The following TMEM201 variants were observed in gnomAD, a reference collection of about 807,000 sequenced individuals.
TMEM201 encodes the protein RP13-15M17.2.
In TMEM201, 26 loss-of-function variants were observed where a neutral mutation model predicts 63.4. The ratio of observed to expected loss-of-function variants is 0.41; its 90% CI spans 0.30 to 0.57. The LOEUF (loss-of-function observed/expected upper bound fraction) is 0.57, where lower values mean the gene tolerates loss of function less well. Ranked by LOEUF, TMEM201 falls within the 20% of genes least tolerant of loss-of-function variation. The pLI is 0.29. For missense variants in TMEM201, 794 were observed against 917.7 expected (o/e 0.87, Z 1.74); for synonymous variants, 417 against 421.6 (o/e 0.99, Z 0.14).
In TMEM201 at chr1:9,603,626, G is replaced by T; in HGVS notation, c.1160+1354G>T. The T allele has an allele frequency of 1.0e-6, 1 of 985,478 alleles. No individual in the cohort carries two copies. The highest frequency in any genetic ancestry group is 1.2e-6 in the Non-Finnish European group (1 of 829,978). 61.0% of individuals were successfully genotyped at this position (985,478 alleles called of 1,614,324 possible). On this transcript the variant is annotated intron_variant, in intron 6 of 10. Coordinates refer to ENST00000340381, the MANE Select transcript of TMEM201 (RefSeq NM_001130924.3). This position sits in a 1 kb window ranked among gnomAD's most constrained non-coding sequence, Gnocchi z 4.5. Reference sequence around the variant, plus strand: ...AAGAGCAGATCACAGGTGCATGAGGGTTACACCCGTCACCTGGGTCTGCCG... The same window carrying T: ...AAGAGCAGATCACAGGTGCATGAGGTTTACACCCGTCACCTGGGTCTGCCG...
chr1:9,607,415 T>C lies in TMEM201; in HGVS notation c.1161-142T>C. On this transcript the variant is annotated intron_variant, in intron 6 of 10. Transcript: ENST00000340381. This position sits in a 1 kb window ranked among gnomAD's most constrained non-coding sequence, Gnocchi z 5.4. ...GAATGTGGTCGGATTGCTTTTCTGCTTTAACTAACGCACGCCTCCTCTGGG... is the reference window on the plus strand; with the variant it reads ...GAATGTGGTCGGATTGCTTTTCTGCCTTAACTAACGCACGCCTCCTCTGGG... 2 of 650,748 alleles carry C rather than the reference T, an allele frequency of 3.1e-6. No individual in the cohort carries two copies. The highest frequency in any genetic ancestry group is 4.0e-4 in the Middle Eastern group (1 of 2,506). The allele number at this position is 650,748 out of a possible 1,614,324, so 40.3% of individuals were successfully genotyped here. A position where few individuals can be genotyped will look rare whatever the true frequency, so the allele number is the denominator to read the frequency against.
At chr1:9,589,763 C>T (rs77612465) in intron 1 of TMEM201, among the ~76,000 whole-genome samples, 2,113 of 152,372 alleles carry the variant, frequency 0.014, 27 homozygotes, top group Non-Finnish European at 0.021. Flanking sequence ...TTCAGCAGAG[C>T]CTCGCAGGTA....
chr1:9,611,603 G>A, intron 9 of TMEM201, 150 bp from the exon 10 acceptor site: 1 of 932,352 alleles, frequency 1.1e-6, no homozygotes, highest in Non-Finnish European at 1.6e-6. Flanking sequence ...CAAGGACCTG[G>A]CCCCCCACTG....
intron 1 of TMEM201, among the ~76,000 whole-genome samples, chr1:9,594,420 G>A (rs548582137): frequency 6.6e-6 from 1 of 152,264 alleles, no homozygotes; most frequent in African/African-American, 2.4e-5. Context: ...TTCCCCGCAG[G>A]GCCTGGTCCC....
At chr1:9,590,969 C>CTGGG in intron 1 of TMEM201, among the ~76,000 whole-genome samples, 1 of 152,288 alleles carries the variant, frequency 6.6e-6, no homozygotes, top group South Asian at 2.1e-4. Flanking sequence ...GGCGACTTGG[C>CTGGG]TGGGTGGGTG....
rs763171920 is a variant in TMEM201, at chr1:9,602,268, C to G, written c.1156C>G (p.Arg386Gly). The change falls in exon 6 of 11, where the codon CGA becomes GGA. Residue 386 changes from arginine to glycine, a missense_variant. Physicochemically the swap from Arg to Gly is moderately radical, Grantham distance 125. Transcript: ENST00000340381. ...KATGPRRFRP[R>G]RFFPGDSAGL... The stretch of plus-strand genomic sequence containing the variant: ...AACGGGCCCACGGAGGTTCCGGCCC[C>G]GAAGGTCAGAGAAGCAGCCATGACT... 1.1e-5 allele frequency: 17 copies of G among 1,610,948 alleles called. No individual in the cohort carries two copies. The highest frequency in any genetic ancestry group is 1.4e-5 in the Non-Finnish European group (17 of 1,179,752).
At chr1:9,589,415 C>T (rs1019507335) in intron 1 of TMEM201, among the ~76,000 whole-genome samples, 11 of 152,228 alleles carry the variant, frequency 7.2e-5, no homozygotes, top group Non-Finnish European at 1.2e-4. Context: ...TGCTGCTCGG[C>T]ATGTGACGTC....
rs1305238134 is a variant in TMEM201, at chr1:9,610,749, T to C, written c.1709T>C (p.Met570Thr). The C allele has an allele frequency of 3.2e-6, 5 of 1,549,692 alleles. No homozygotes were observed. The highest frequency in any genetic ancestry group is 4.4e-6 in the Non-Finnish European group (5 of 1,146,412). ...HSPHNGSLFTMEPPHVPRKPP... is the reference protein window; with the variant it reads ...HSPHNGSLFTTEPPHVPRKPP... ...CCTCACAACGGCAGCCTCTTCACCA[T>C]GGAGCCGCCCCATGTTCCCCGGAAG... is the stretch of plus-strand genomic sequence containing the variant. The change falls in exon 9 of 11, where the codon ATG becomes ACG. Residue 570 changes from methionine to threonine, a missense_variant. Physicochemically the swap from Met to Thr is moderately conservative, Grantham distance 81. Transcript: ENST00000340381. This position sits in a 1 kb window ranked among gnomAD's most constrained non-coding sequence, Gnocchi z 4.9.
In TMEM201 at chr1:9,604,225, G is replaced by T; in HGVS notation, c.1160+1953G>T. 1 of 985,434 alleles carries T rather than the reference G, an allele frequency of 1.0e-6. No homozygotes were observed. Among genetic ancestry groups the T allele is most frequent in the Non-Finnish European group, 1.2e-6 (1 of 829,932 alleles). The allele number at this position is 985,434 out of a possible 1,614,324, so 61.0% of individuals were successfully genotyped here. ...TTGGGTAGAAGCAGGACATCTGTGT[G>T]TATGTGCGTATTTAAATTAGATTAT... On this transcript the variant is annotated intron_variant, in intron 6 of 10. Coordinates refer to ENST00000340381, the MANE Select transcript of TMEM201 (RefSeq NM_001130924.3). This position sits in a 1 kb window ranked among gnomAD's most constrained non-coding sequence, Gnocchi z 4.1.
rs1189858987 is a variant in TMEM201 at position 9,610,310 on chromosome 1, C to T, written c.1466-196C>T. Among the ~76,000 whole-genome samples the T allele has an allele frequency of 6.6e-6, 1 of 152,204 alleles. No homozygotes were observed. The highest frequency in any genetic ancestry group is 2.4e-5 in the African/African-American group (1 of 41,452). ...GGCCATGGCTGAGGCTCCGGGATCT[C>T]TCCTCTCCCTCAGGTGCCTGGTAGA... On this transcript the variant is annotated intron_variant, in intron 8 of 10. Coordinates refer to ENST00000340381, the MANE Select transcript of TMEM201 (RefSeq NM_001130924.3). This position sits in a 1 kb window ranked among gnomAD's most constrained non-coding sequence, Gnocchi z 4.9.
chr1:9,594,971 A>G (rs554213691), intron 1 of TMEM201, among the ~76,000 whole-genome samples: 583 of 152,356 alleles, frequency 3.8e-3, no homozygotes, highest in Non-Finnish European at 6.5e-3. Flanking sequence ...CCACTCTGGC[A>G]GGGGCTCAAG....
chr1:9,611,025 G>C, intron 9 of TMEM201: 1 of 1,529,998 alleles, frequency 6.5e-7, no homozygotes, highest in Non-Finnish European at 8.7e-7. Flanking sequence ...TTGACCTTCA[G>C]GGTCCTCTGT....
At chr1:9,596,430 G>C (rs1171238795) in intron 2 of TMEM201, among the ~76,000 whole-genome samples, 1 of 152,248 alleles carries the variant, frequency 6.6e-6, no homozygotes, top group African/African-American at 2.4e-5. Flanking sequence ...ACCCTGCTGA[G>C]CCACCGTAGG....
At chr1:9,609,983 G>C in intron 8 of TMEM201, 72 bp downstream of exon 8, 1 of 1,463,764 alleles carries the variant, frequency 6.8e-7, no homozygotes, top group Non-Finnish European at 9.4e-7. Context: ...ATGGTGGTTT[G>C]TGTGAGCTTT....
intron 4 of TMEM201, among the ~76,000 whole-genome samples, chr1:9,600,574 C>T (rs571526838): frequency 6.6e-6 from 1 of 152,278 alleles, no homozygotes; most frequent in African/African-American, 2.4e-5. Flanking sequence ...GCCTGGGGAG[C>T]AGGGTAGGGA....
Position 9,607,493 on chromosome 1 carries a change from C to A in TMEM201, c.1161-64C>A. On this transcript the variant is annotated intron_variant, in intron 6 of 10. Transcript: ENST00000340381. The surrounding 1 kb of genome is among the most constrained non-coding windows in gnomAD (Gnocchi z 5.4). ...TGTGGGAGAGGGGTGGGACCCACTG[C>A]AAGGCTGCCTCCAGGACCTCCCGCT... The A allele has an allele frequency of 2.2e-6, 3 of 1,353,040 alleles. No homozygotes were observed. The highest frequency in any genetic ancestry group is 2.0e-6 in the Non-Finnish European group (2 of 989,960). 83.8% of individuals were successfully genotyped at this position (1,353,040 alleles called of 1,614,324 possible).
In TMEM201 at chr1:9,598,620, G is replaced by A. The variant is rs1173208406; in HGVS notation, c.601G>A (p.Ala201Thr). 1.7e-5 allele frequency: 28 copies of A among 1,612,540 alleles called. No homozygotes were observed. Among genetic ancestry groups the A allele is most frequent in the Non-Finnish European group, 2.3e-5 (27 of 1,179,626 alleles). Residue 201 changes from alanine (A) to threonine (T), a missense_variant, in exon 4 of 11, where the codon GCA becomes ACA. Ala to Thr is a moderately conservative substitution (Grantham distance 58). Coordinates refer to ENST00000340381, the MANE Select transcript of TMEM201 (RefSeq NM_001130924.3). ...GCGCCGGGAGGCCGACCAGACCCACGCACAGGTGAGAGGCGGCATCCACAG... is the reference window on the plus strand; with the variant it reads ...GCGCCGGGAGGCCGACCAGACCCACACACAGGTGAGAGGCGGCATCCACAG... ...FKRREADQTH[A>T]QNFSSAVKSP... is the part of the protein sequence containing the mutation.
chr1:9,595,459 G>A (rs892167798), intron 1 of TMEM201, among the ~76,000 whole-genome samples: 1 of 152,076 alleles, frequency 6.6e-6, no homozygotes, highest in Non-Finnish European at 1.5e-5. Flanking sequence ...ACCTCGTGGG[G>A]GAGGGGTGGT....
At position 9,601,052 on chromosome 1, in the gene TMEM201, TG is replaced by T; in HGVS notation, c.607-48del. ...CGCACAGACTGGCACCGGTGATGGC[TG>T]GGGGTGGCTCTGTGGCCGTCTCACT... On this transcript the variant is annotated intron_variant, in intron 4 of 10. Coordinates refer to ENST00000340381, the MANE Select transcript of TMEM201 (RefSeq NM_001130924.3). The T allele has an allele frequency of 5.4e-6, 8 of 1,487,124 alleles. No homozygotes were observed. In the East Asian group the frequency reaches 1.6e-4, roughly 30 times the overall value. 92.1% of individuals were successfully genotyped at this position (1,487,124 alleles called of 1,614,324 possible).
Sources: allele counts gnomAD v4.1 joint callset (sites outside exome capture counted in the v4.1 genomes callset), GRCh38; gene constraint gnomAD v4.1.1; non-coding constraint Gnocchi (gnomAD v3.1); transcripts MANE v1.5; gene names NCBI Gene and HGNC (gene_info 2026-07-23, HGNC 2026-07-21).